Variants in ZCWPW1 observed in about 807,000 individuals in gnomAD.
ZCWPW1 encodes zinc finger CW-type and PWWP domain containing 1.
A neutral mutation model predicts 81.3 loss-of-function variants in ZCWPW1; 56 were observed. The observed-to-expected ratio is 0.69, with a 90% CI of 0.56 to 0.86. ZCWPW1 has a LOEUF of 0.86. ZCWPW1 is among the 40% of genes least tolerant of loss of function. The pLI is 0.00. For missense variants in ZCWPW1, 650 were observed against 769.8 expected, an observed-to-expected ratio of 0.84 and a Z score of 1.84; for synonymous variants, 250 against 273.7, an observed-to-expected ratio of 0.91 and a Z score of 0.86.
chr7:100,409,644 T>C (rs1011950040), intron 8 of ZCWPW1, 100 bp from the exon 9 acceptor site: 4 of 818,200 alleles, frequency 4.9e-6, no homozygotes, highest in Non-Finnish European at 7.9e-6. Context: ...CAGAATGACA[T>C]AGCCAGAGAG....
rs1793755597 is a variant in ZCWPW1, at chr7:100,409,513, G to A, written c.786C>T (p.Phe262=). ...GQCLVWVQCS[F]PNCGKWRRLC... is the part of the protein sequence containing the mutation. Reference sequence around the variant, plus strand: ...GCCGCCTCCATTTCCCACAGTTTGGGAAGGAACACTGGACCCAGACCAGAC... The same window carrying A: ...GCCGCCTCCATTTCCCACAGTTTGGAAAGGAACACTGGACCCAGACCAGAC... The change falls in exon 9 of 18, where the codon TTC becomes TTT. Residue 262 remains phenylalanine (F), a synonymous_variant. Transcript: ENST00000684423. 1 of 1,613,950 alleles carries A rather than the reference G, an allele frequency of 6.2e-7. No individual in the cohort carries two copies. Among genetic ancestry groups the A allele is most frequent in the Non-Finnish European group, 8.5e-7 (1 of 1,179,962 alleles).
intron 8 of ZCWPW1, among the ~76,000 whole-genome samples, chr7:100,415,075 ATTT>A (rs1165297451): frequency 2.6e-4 from 19 of 74,208 alleles, no homozygotes; most frequent in African/African-American, 4.7e-4. Flanking sequence ...CTCCGTACCC[ATTT>A]TTTTTTTTTT....
Position 100,407,268 on chromosome 7 carries a change from C to T in ZCWPW1, c.1028G>A (p.Gly343Glu). ...PGMIESDPDL[G>E]EYFLFTSHLD... ...ATGGGAAGTAAAAAGAAAATATTCC[C>T]CTAAGTCAGGATCAGATTCTATCAT... The change falls in exon 11 of 18, where the codon GGG (glycine) becomes GAG (glutamate). Residue 343 changes from glycine (G) to glutamate (E), a missense_variant. Physicochemically the swap from Gly to Glu is moderately conservative, Grantham distance 98. Transcript: ENST00000684423. 2 of 1,613,918 alleles carry T rather than the reference C, an allele frequency of 1.2e-6. No homozygotes were observed. The highest frequency in any genetic ancestry group is 1.6e-4 in the Middle Eastern group (1 of 6,062).
intron 5 of ZCWPW1, 106 bp downstream of exon 5, chr7:100,419,005 A>AT: frequency 1.1e-6 from 1 of 878,228 alleles, no homozygotes; most frequent in Non-Finnish European, 1.8e-6. Flanking sequence ...ATATTACCTT[A>AT]TTTAGAAGAT....
chr7:100,402,527 G>A lies in ZCWPW1; in HGVS notation c.1463C>T (p.Thr488Ile), dbSNP rs375737733. The change falls in exon 16 of 18, where the codon ACC (threonine) becomes ATC (isoleucine). Residue 488 changes from threonine (T) to isoleucine (I), a missense_variant. Coordinates refer to ENST00000684423, the MANE Select transcript of ZCWPW1 (RefSeq NM_001386010.1). ...RKRVKIQTQKTKPRGLGGDAG... is the reference protein window; with the variant it reads ...RKRVKIQTQKIKPRGLGGDAG... ...GCTGGCCTGCTTACCTCTTGGCTTGGTTTTTTGGGTCTGTATTTTGACTCG... is the reference window on the plus strand; with the variant it reads ...GCTGGCCTGCTTACCTCTTGGCTTGATTTTTTGGGTCTGTATTTTGACTCG... The A allele has an allele frequency of 2.5e-6, 4 of 1,614,060 alleles. No individual in the cohort carries two copies. The highest frequency in any genetic ancestry group is 3.4e-6 in the Non-Finnish European group (4 of 1,180,012).
intron 1 of ZCWPW1, among the ~76,000 whole-genome samples, chr7:100,426,212 A>G (rs1284505884): frequency 6.6e-6 from 1 of 152,320 alleles, no homozygotes. Context: ...AGTATATTTC[A>G]GCCGGGCGCA....
intron 6 of ZCWPW1, among the ~76,000 whole-genome samples, chr7:100,416,818 C>A (rs958615110): frequency 6.6e-6 from 1 of 151,960 alleles, no homozygotes; most frequent in Non-Finnish European, 1.5e-5. Flanking sequence ...TGGTGGCAGG[C>A]GCCTGTAATC....
intron 2 of ZCWPW1, among the ~76,000 whole-genome samples, chr7:100,422,071 C>A (rs192853958): frequency 6.6e-6 from 1 of 152,304 alleles, no homozygotes; most frequent in Non-Finnish European, 1.5e-5. Context: ...TGACTATATT[C>A]TTTACCCTTT....
At chr7:100,402,681 A>G (rs1584239221) in intron 15 of ZCWPW1, 105 bp from the exon 16 acceptor site, 1 of 1,175,996 alleles carries the variant, frequency 8.5e-7, no homozygotes, top group East Asian at 2.4e-5. Context: ...GGGGAATCAA[A>G]GTAGCTTCTG....
chr7:100,410,075 A>G (rs1793874352), intron 8 of ZCWPW1, among the ~76,000 whole-genome samples: 2 of 152,208 alleles, frequency 1.3e-5, no homozygotes, highest in South Asian at 4.1e-4. Flanking sequence ...TCCAAAAGAC[A>G]CAGGTCTAAG....
intron 8 of ZCWPW1, among the ~76,000 whole-genome samples, chr7:100,414,421 A>T (rs1368939115): frequency 1.3e-5 from 2 of 151,764 alleles, no homozygotes; most frequent in East Asian, 3.9e-4. Flanking sequence ...TTGTCTATTT[A>T]TTTAGTTTTT....
At chr7:100,402,161 G>C (rs1792054915) in intron 16 of ZCWPW1, 120 bp from the exon 17 acceptor site, 1 of 1,316,210 alleles carries the variant, frequency 7.6e-7, no homozygotes, top group Admixed American at 2.3e-5. Context: ...AATCTAGTGA[G>C]TTTTCCTGGT....
At chr7:100,422,565 A>C (rs1319720660) in intron 2 of ZCWPW1, among the ~76,000 whole-genome samples, 1 of 152,132 alleles carries the variant, frequency 6.6e-6, no homozygotes. Context: ...ATACAGCTTT[A>C]TTTTTATTTT....
chr7:100,418,278 G>A (rs1204309279), intron 5 of ZCWPW1, among the ~76,000 whole-genome samples: 1 of 152,194 alleles, frequency 6.6e-6, no homozygotes, highest in Non-Finnish European at 1.5e-5. Context: ...TGTACCCTAA[G>A]TTTTTCAAAT....
Position 100,408,537 on chromosome 7 carries a change from A to C in ZCWPW1, c.992+2T>G. On this transcript the variant is annotated splice_donor_variant, in intron 10 of 17. Transcript: ENST00000684423. LOFTEE classifies it high-confidence loss of function. ...TGCTCTGACTGTGTCATAATGCCCT[A>C]CCAGGGGTAACCGTATTGCTTGGCC... The C allele has an allele frequency of 1.9e-6, 3 of 1,613,022 alleles. No individual in the cohort carries two copies. The highest frequency in any genetic ancestry group is 2.5e-6 in the Non-Finnish European group (3 of 1,179,500).
At chr7:100,403,467 G>A (rs914967715) in intron 15 of ZCWPW1, among the ~76,000 whole-genome samples, 37 of 151,778 alleles carry the variant, frequency 2.4e-4, no homozygotes, top group Non-Finnish European at 4.6e-4. Context: ...CGCTTCCCTC[G>A]GCCTCCCAAA....
At chr7:100,415,338 C>G (rs1032672402) in intron 8 of ZCWPW1, among the ~76,000 whole-genome samples, 1 of 152,052 alleles carries the variant, frequency 6.6e-6, no homozygotes, top group Non-Finnish European at 1.5e-5. Context: ...ACCTCGGCAT[C>G]CCACAGAGCT....
intron 5 of ZCWPW1, 64 bp downstream of exon 5, chr7:100,419,047 C>T (rs753680905): frequency 1.5e-6 from 2 of 1,338,040 alleles, no homozygotes; most frequent in East Asian, 2.3e-5. Context: ...TCAGACTTAA[C>T]TCTCCCTCTC....
rs114196670 is a variant in ZCWPW1, at chr7:100,411,690, A to G, written c.755-2146T>C. Among the ~76,000 whole-genome samples, 420 of 152,304 alleles carry G rather than the reference A, an allele frequency of 2.8e-3. 2 individuals are homozygous for G. Among genetic ancestry groups the G allele is most frequent in the African/African-American group, 9.5e-3 (395 of 41,568 alleles). ...TGAGCTAGCAAGACTAGAAAAAAAG[A>G]GTAGGAGGAGAGGCCAGGAGTCATA... is the stretch of plus-strand genomic sequence containing the variant. On this transcript the variant is annotated intron_variant, in intron 8 of 17. Coordinates refer to ENST00000684423, the MANE Select transcript of ZCWPW1 (RefSeq NM_001386010.1).
Sources: gnomAD v4.1 joint callset for allele counts (sites outside exome capture counted in the v4.1 genomes callset) on GRCh38, gnomAD v4.1.1 for gene constraint, MANE v1.5 for transcripts, NCBI Gene and HGNC (gene_info 2026-07-23, HGNC 2026-07-21) for gene names.